BAIAP2L1: variants seen among roughly 807,000 people sequenced by gnomAD.
BAIAP2L1 encodes BAR/IMD domain containing adaptor protein 2 like 1, also known as BAR/IMD domain-containing adapter protein 2-like 1.
BAIAP2L1 carries 35 observed loss-of-function variants against 66.3 expected under a neutral mutation model. That is an observed-to-expected ratio of 0.53 (90% CI 0.40 to 0.70). The LOEUF (loss-of-function observed/expected upper bound fraction) is 0.70, where lower values mean the gene tolerates loss of function less well. Among genes scored for constraint, BAIAP2L1 ranks in the 30% least tolerant of loss-of-function variants. BAIAP2L1 has a pLI of 0.00. For missense variants in BAIAP2L1, 622 were observed against 656.9 expected, an observed-to-expected ratio of 0.95 and a Z score of 0.58; for synonymous variants, 269 against 248.7, an observed-to-expected ratio of 1.08 and a Z score of -0.77.
intron 3 of BAIAP2L1, among the ~76,000 whole-genome samples, chr7:98,350,988 C>T (rs2115675855): frequency 6.6e-6 from 1 of 152,208 alleles, no homozygotes; most frequent in African/African-American, 2.4e-5. Context: ...TCTCAAGTAG[C>T]TGGAATTACA....
intron 1 of BAIAP2L1, among the ~76,000 whole-genome samples, chr7:98,378,962 T>C (rs1802695480): frequency 6.6e-6 from 1 of 152,190 alleles, no homozygotes; most frequent in African/African-American, 2.4e-5. Flanking sequence ...CCCGAGTAGC[T>C]GGGACTACAG....
chr7:98,368,534 T>C (rs946955146), intron 1 of BAIAP2L1, among the ~76,000 whole-genome samples: 1 of 151,944 alleles, frequency 6.6e-6, no homozygotes, highest in Non-Finnish European at 1.5e-5. Flanking sequence ...CTACTAAAAA[T>C]ACATGAATTA....
chr7:98,341,575 G>A (rs1433119249), intron 3 of BAIAP2L1, among the ~76,000 whole-genome samples: 1 of 152,112 alleles, frequency 6.6e-6, no homozygotes, highest in Non-Finnish European at 1.5e-5. Context: ...AGAAAATTAA[G>A]TTGGCAGACT....
Position 98,293,002 on chromosome 7 carries a change from C to T in BAIAP2L1, c.*519G>A, listed in dbSNP as rs1015569707. On this transcript the variant is annotated 3_prime_UTR_variant, in exon 14 of 14. Transcript: ENST00000005260. ...CATCTCTGGAAGCTCTACACTTAAACATTTTAAGTTAAATTACATTTATAT... is the reference window on the plus strand; with the variant it reads ...CATCTCTGGAAGCTCTACACTTAAATATTTTAAGTTAAATTACATTTATAT... 4.5e-6 allele frequency: 5 copies of T among 1,105,890 alleles called. No homozygotes were observed. In the African/African-American group the frequency reaches 8.1e-5, roughly 18 times the overall value. 68.5% of individuals were successfully genotyped at this position (1,105,890 alleles called of 1,614,324 possible). A position where few individuals can be genotyped will look rare whatever the true frequency, so the allele number is the denominator to read the frequency against.
chr7:98,332,061 A>G (rs1352288293), intron 3 of BAIAP2L1, among the ~76,000 whole-genome samples: 1 of 152,050 alleles, frequency 6.6e-6, no homozygotes, highest in African/African-American at 2.4e-5. Context: ...CAAAAATCAC[A>G]TAGGTCGGAA....
At chr7:98,328,011 G>A (rs769650249) in intron 3 of BAIAP2L1, among the ~76,000 whole-genome samples, 27 of 150,902 alleles carry the variant, frequency 1.8e-4, no homozygotes, top group African/African-American at 4.7e-4. Context: ...GCAGAAACCC[G>A]AACATTGTTT....
intron 2 of BAIAP2L1, among the ~76,000 whole-genome samples, chr7:98,360,104 G>A (rs186175112): frequency 6.6e-6 from 1 of 152,176 alleles, no homozygotes; most frequent in Non-Finnish European, 1.5e-5. Context: ...TGTATTTTTA[G>A]TAGAGACAGG....
At chr7:98,393,131 A>G (rs199874022) in intron 1 of BAIAP2L1, among the ~76,000 whole-genome samples, 4,466 of 98,274 alleles carry the variant, frequency 0.045, 505 homozygotes, top group South Asian at 0.11. Flanking sequence ...ATGTATATAT[A>G]CACACATATG....
intron 10 of BAIAP2L1, chr7:98,306,985 CT>C (rs2116855843): frequency 6.2e-6 from 1 of 160,450 alleles, no homozygotes; most frequent in East Asian, 1.8e-4. Flanking sequence ...AACTGACAAG[CT>C]AGTTACAGGA....
At chr7:98,399,992 A>G (rs989765258) in intron 1 of BAIAP2L1, 2 of 151,980 alleles carry the variant, frequency 1.3e-5, no homozygotes, top group African/African-American at 4.8e-5. Context: ...TGGCGATCCT[A>G]ATTACAGGGG....
chr7:98,398,307 G>A lies in BAIAP2L1; in HGVS notation c.51+2495C>T, dbSNP rs144206433. 6.1e-3 allele frequency among the ~76,000 whole-genome samples: 934 copies of A among 152,182 alleles called. 1 individual carries two copies. The highest frequency in any genetic ancestry group is 9.2e-3 in the Non-Finnish European group (628 of 68,000). On this transcript the variant is annotated intron_variant, in intron 1 of 13. Transcript: ENST00000005260. ...AGCTTGAACATCATGGGGCAGGGCT[G>A]GATAGGGGGAAGAACCCAATACAGG...
At chr7:98,299,074 G>A (rs1177663472) in intron 12 of BAIAP2L1, among the ~76,000 whole-genome samples, 1 of 151,934 alleles carries the variant, frequency 6.6e-6, no homozygotes, top group African/African-American at 2.4e-5. Flanking sequence ...GGAGTGCAGT[G>A]GCGTGATCTT....
chr7:98,362,316 G>A (rs199505002), intron 2 of BAIAP2L1, 41 bp downstream of exon 2: 5 of 1,400,180 alleles, frequency 3.6e-6, no homozygotes, highest in Non-Finnish European at 5.0e-6. Context: ...CATATTTACT[G>A]AGTGGCTTTA....
chr7:98,364,604 G>C (rs925924825), intron 1 of BAIAP2L1, among the ~76,000 whole-genome samples: 2 of 151,870 alleles, frequency 1.3e-5, no homozygotes, highest in Non-Finnish European at 2.9e-5. Flanking sequence ...GAGTCCCCGT[G>C]TGTCTGAAAT....
At chr7:98,363,636 C>T (rs565273655) in intron 1 of BAIAP2L1, among the ~76,000 whole-genome samples, 10 of 152,290 alleles carry the variant, frequency 6.6e-5, no homozygotes, top group Admixed American at 3.9e-4. Context: ...ACTCAGACTT[C>T]ACGACTCACA....
intron 3 of BAIAP2L1, among the ~76,000 whole-genome samples, chr7:98,334,702 C>T (rs747509193): frequency 5.2e-4 from 79 of 151,994 alleles, no homozygotes; most frequent in Admixed American, 1.2e-3. Context: ...CCCCCCACCA[C>T]GCCCAGCTAC....
intron 6 of BAIAP2L1, among the ~76,000 whole-genome samples, chr7:98,316,921 T>G (rs556828098): frequency 7.6e-4 from 115 of 151,966 alleles, no homozygotes; most frequent in African/African-American, 2.4e-3. Flanking sequence ...TGGAGTGCAG[T>G]GGCATAATCT....
chr7:98,303,409 C>T (rs147246805), intron 12 of BAIAP2L1, among the ~76,000 whole-genome samples: 38 of 152,348 alleles, frequency 2.5e-4, no homozygotes, highest in Admixed American at 7.8e-4. Context: ...CACACCAGGG[C>T]GCACTAACCT....
intron 11 of BAIAP2L1, among the ~76,000 whole-genome samples, chr7:98,305,161 G>A (rs1449484955): frequency 6.6e-6 from 1 of 150,584 alleles, no homozygotes; most frequent in Admixed American, 6.7e-5. Context: ...AAAGTGCTGG[G>A]ATTACAGGCA....
Sources: allele counts gnomAD v4.1 joint callset (sites outside exome capture counted in the v4.1 genomes callset), GRCh38; gene constraint gnomAD v4.1.1; transcripts MANE v1.5; gene names NCBI Gene and HGNC (gene_info 2026-07-23, HGNC 2026-07-21).